The following FGF7 variants were observed in gnomAD, a reference collection of about 807,000 sequenced individuals.
FGF7 encodes fibroblast growth factor 7.
A neutral mutation model predicts 20.5 loss-of-function variants in FGF7; 6 were observed. That is an observed-to-expected ratio of 0.29 (90% CI 0.16 to 0.58). The LOEUF (loss-of-function observed/expected upper bound fraction) is 0.58. Ranked by LOEUF, FGF7 falls within the 20% of genes least tolerant of loss-of-function variation. The pLI, the probability that FGF7 is intolerant of heterozygous loss-of-function variation, is 0.90. For missense variants in FGF7, 144 were observed against 228.8 expected (o/e 0.63, Z 2.39); for synonymous variants, 64 against 74.7 (o/e 0.86, Z 0.74).
chr15:49,480,461 C>A (rs2055831237), intron 2 of FGF7, among the ~76,000 whole-genome samples: 1 of 148,538 alleles, frequency 6.7e-6, no homozygotes, highest in African/African-American at 2.5e-5. Flanking sequence ...GAATGCACCA[C>A]CATGCCCAAC....
intron 2 of FGF7, among the ~76,000 whole-genome samples, chr15:49,453,852 T>G (rs541423290): frequency 1.6e-4 from 25 of 152,288 alleles, no homozygotes; most frequent in African/African-American, 5.8e-4. Context: ...TGCTCTTACC[T>G]TATACATTTT....
chr15:49,464,099 C>T (rs2054054519), intron 2 of FGF7, among the ~76,000 whole-genome samples: 1 of 152,050 alleles, frequency 6.6e-6, no homozygotes, highest in Non-Finnish European at 1.5e-5. Context: ...GTTTCATTGG[C>T]TAACTACTGT....
rs535275935 is a variant in FGF7, at chr15:49,470,497, A to G, written c.287-12654A>G. On this transcript the variant is annotated intron_variant, in intron 2 of 3. Coordinates refer to ENST00000267843, the MANE Select transcript of FGF7 (RefSeq NM_002009.4). The stretch of plus-strand genomic sequence containing the variant: ...CAAAACCACTATCACTTCAAACTTA[A>G]TATCTTCATAAAAACTCCAACACAT... Among the ~76,000 whole-genome samples, 17 of 152,248 alleles carry G rather than the reference A, an allele frequency of 1.1e-4. 1 individual carries two copies. In the South Asian group the frequency reaches 3.1e-3, roughly 28 times the overall value.
At chr15:49,456,975 T>C (rs2053355827) in intron 2 of FGF7, among the ~76,000 whole-genome samples, 1 of 152,072 alleles carries the variant, frequency 6.6e-6, no homozygotes, top group African/African-American at 2.4e-5. Context: ...ATTGAAAAAG[T>C]TAGTCACTTT....
chr15:49,479,861 G>A (rs1445783534), intron 2 of FGF7, among the ~76,000 whole-genome samples: 2 of 152,024 alleles, frequency 1.3e-5, no homozygotes, highest in African/African-American at 4.8e-5. Context: ...TGATCCACCC[G>A]CGTTGGCCTC....
intron 2 of FGF7, among the ~76,000 whole-genome samples, chr15:49,472,622 A>G (rs1253567598): frequency 6.6e-6 from 1 of 152,188 alleles, no homozygotes; most frequent in Non-Finnish European, 1.5e-5. Flanking sequence ...AAAGTTGGGG[A>G]GAAAAATGCG....
rs933382479 is a variant in FGF7, at chr15:49,487,654, T to TA, written c.*3151dup. On this transcript the variant is annotated 3_prime_UTR_variant, in exon 4 of 4. Coordinates refer to ENST00000267843, the MANE Select transcript of FGF7 (RefSeq NM_002009.4). ...AGAAAAACTCTAAAACAGTGCCCCTTACGATTTTCTACTGAAATTTCTCTA... is the reference window on the plus strand; with the variant it reads ...AGAAAAACTCTAAAACAGTGCCCCTTAACGATTTTCTACTGAAATTTCTCTA... 2 of 151,862 alleles carry TA rather than the reference T, an allele frequency of 1.3e-5. No individual in the cohort carries two copies. Among genetic ancestry groups the TA allele is most frequent in the African/African-American group, 4.8e-5 (2 of 41,390 alleles). 9.4% of individuals were successfully genotyped at this position (151,862 alleles called of 1,614,324 possible). A position where few individuals can be genotyped will look rare whatever the true frequency, so the allele number is the denominator to read the frequency against.
At chr15:49,466,509 T>A (rs896337527) in intron 2 of FGF7, among the ~76,000 whole-genome samples, 2 of 151,752 alleles carry the variant, frequency 1.3e-5, no homozygotes, top group South Asian at 2.1e-4. Flanking sequence ...ATAAAAGAGG[T>A]TTTTGTTTGC....
intron 2 of FGF7, among the ~76,000 whole-genome samples, chr15:49,432,497 T>C (rs993273866): frequency 1.1e-4 from 16 of 151,694 alleles, no homozygotes; most frequent in Non-Finnish European, 2.2e-4. Context: ...ATAACACTCC[T>C]CCTCTCCCTC....
chr15:49,439,878 C>T (rs765563102), intron 2 of FGF7, among the ~76,000 whole-genome samples: 1 of 151,680 alleles, frequency 6.6e-6, no homozygotes, highest in Non-Finnish European at 1.5e-5. Flanking sequence ...TGGAAGGAAG[C>T]CATGAGATCA....
At chr15:49,475,214 T>C (rs1472764364) in intron 2 of FGF7, among the ~76,000 whole-genome samples, 2 of 152,168 alleles carry the variant, frequency 1.3e-5, no homozygotes, top group African/African-American at 4.8e-5. Flanking sequence ...AAACAGTGCA[T>C]AAAATAAAGT....
rs2151744440 is a variant in FGF7, at chr15:49,423,284, A to G, written c.-423A>G. On this transcript the variant is annotated 5_prime_UTR_variant, in exon 1 of 4. Transcript: ENST00000267843. The stretch of plus-strand genomic sequence containing the variant: ...CACACGCGCTCACACACAGAGAGAA[A>G]ATCCTTCTGCCTGTTGATTTATGGA... 6.6e-6 allele frequency: 1 copy of G among 152,216 alleles called. No homozygotes were observed. The highest frequency in any genetic ancestry group is 2.4e-5 in the African/African-American group (1 of 41,538). 9.4% of individuals were successfully genotyped at this position (152,216 alleles called of 1,614,324 possible).
At chr15:49,454,299 T>G (rs1422977928) in intron 2 of FGF7, among the ~76,000 whole-genome samples, 4 of 152,164 alleles carry the variant, frequency 2.6e-5, no homozygotes. Flanking sequence ...GTCTCTCTTG[T>G]GCATTTTCTT....
intron 2 of FGF7, among the ~76,000 whole-genome samples, chr15:49,443,449 T>C (rs1036762504): frequency 4.6e-5 from 7 of 151,618 alleles, no homozygotes; most frequent in Non-Finnish European, 1.0e-4. Context: ...TGGCCAATGC[T>C]ACAAATCAGG....
intron 2 of FGF7, among the ~76,000 whole-genome samples, chr15:49,479,893 C>T (rs71467687): frequency 6.6e-6 from 1 of 152,098 alleles, no homozygotes; most frequent in Admixed American, 6.5e-5. Flanking sequence ...GGATTACAGG[C>T]GTGAGCCACT....
intron 2 of FGF7, among the ~76,000 whole-genome samples, chr15:49,479,555 G>A (rs546033689): frequency 1.4e-5 from 2 of 145,806 alleles, no homozygotes; most frequent in Non-Finnish European, 3.0e-5. Context: ...GAGCAACTTC[G>A]TGGCTTCTGA....
intron 2 of FGF7, chr15:49,425,367 G>A (rs978768191): frequency 1.3e-5 from 2 of 151,848 alleles, no homozygotes; most frequent in Non-Finnish European, 2.9e-5. Flanking sequence ...AAATATCAGG[G>A]TTGTGTTTTG....
chr15:49,468,540 A>T (rs2151954960), intron 2 of FGF7, among the ~76,000 whole-genome samples: 1 of 152,302 alleles, frequency 6.6e-6, no homozygotes, highest in East Asian at 1.9e-4. Flanking sequence ...AGTATTATCA[A>T]CCATATGTAT....
chr15:49,451,474 T>C (rs2052736597), intron 2 of FGF7, among the ~76,000 whole-genome samples: 1 of 152,098 alleles, frequency 6.6e-6, no homozygotes, highest in Non-Finnish European at 1.5e-5. Flanking sequence ...CTTAAATCTA[T>C]ATGTATATAT....
Sources: allele counts gnomAD v4.1 joint callset (sites outside exome capture counted in the v4.1 genomes callset), GRCh38; gene constraint gnomAD v4.1.1; transcripts MANE v1.5; gene names NCBI Gene and HGNC (gene_info 2026-07-23, HGNC 2026-07-21).